EGFR: variants seen among roughly 807,000 people sequenced by gnomAD.
EGFR encodes avian erythroblastic leukemia viral (v-erb-b) oncogene homolog.
A neutral mutation model predicts 143.0 loss-of-function variants in EGFR; 58 were observed. That is an observed-to-expected ratio of 0.41 (90% confidence interval 0.33 to 0.50). The LOEUF (loss-of-function observed/expected upper bound fraction) is 0.50. Among genes scored for constraint, EGFR ranks in the 20% least tolerant of loss-of-function variants. EGFR has a pLI of 0.39. For synonymous variants in EGFR, 613 were observed against 594.4 expected, an observed-to-expected ratio of 1.03 and a Z score of -0.45; for missense variants, 1,307 against 1,579.0, an observed-to-expected ratio of 0.83 and a Z score of 2.92.
At position 55,173,086 on chromosome 7, in the gene EGFR, C is replaced by T. The variant is rs1786429872; in HGVS notation, c.2023C>T (p.Arg675Trp). 5 of 1,612,648 alleles carry T rather than the reference C, an allele frequency of 3.1e-6. No homozygotes were observed. Among genetic ancestry groups the T allele is most frequent in the Middle Eastern group, 1.6e-4 (1 of 6,080 alleles). Residue 675 changes from arginine to tryptophan, a missense_variant, in exon 17 of 28, where the codon CGG becomes TGG. This residue lies in a region of EGFR where 348 missense variants were observed against 451.5 expected (regional missense o/e 0.77). Transcript: ENST00000275493. ...GLFMRRRHIV[R>W]KRTLRRLLQE... ...CTTCATGCGAAGGCGCCACATCGTT[C>T]GGAAGCGCACGCTGCGGAGGCTGCT... is the stretch of plus-strand genomic sequence containing the variant.
intron 4 of EGFR, 119 bp downstream of exon 4, chr7:55,146,859 G>A: frequency 7.1e-7 from 1 of 1,405,442 alleles, no homozygotes; most frequent in Non-Finnish European, 9.8e-7. Flanking sequence ...ACAAAAAGTA[G>A]TAAGCAAAAT....
intron 10 of EGFR, 42 bp from the exon 11 acceptor site, chr7:55,157,621 T>C: frequency 6.4e-7 from 1 of 1,554,700 alleles, no homozygotes; most frequent in Non-Finnish European, 8.9e-7. Context: ...AAAAAGAAAC[T>C]CCTACGTGGT....
At chr7:55,197,572 T>A (rs1472002579) in intron 22 of EGFR, among the ~76,000 whole-genome samples, 1 of 152,234 alleles carries the variant, frequency 6.6e-6, no homozygotes, top group Non-Finnish European at 1.5e-5. Flanking sequence ...AGAGAGGGAA[T>A]CCTTGTCTTG....
intron 13 of EGFR, 125 bp downstream of exon 13, chr7:55,161,756 G>C (rs1562772359): frequency 6.6e-7 from 1 of 1,526,646 alleles, no homozygotes; most frequent in African/African-American, 1.4e-5. Flanking sequence ...GGCTTTTGGA[G>C]GTTTTGGGTT....
In EGFR at chr7:55,176,769, T is replaced by C. The variant is rs554729213; in HGVS notation, c.2283+1949T>C. Among the ~76,000 whole-genome samples, 18 of 148,770 alleles carry C rather than the reference T, an allele frequency of 1.2e-4. No homozygotes were observed. In the East Asian group the frequency reaches 2.7e-3, roughly 23 times the overall value. ...ATACCTATATATATCTGAATATAGATATCTATATATACTCTGTATATAGTT... is the reference window on the plus strand; with the variant it reads ...ATACCTATATATATCTGAATATAGACATCTATATATACTCTGTATATAGTT... On this transcript the variant is annotated intron_variant, in intron 19 of 27. Coordinates refer to ENST00000275493, the MANE Select transcript of EGFR (RefSeq NM_005228.5).
chr7:55,180,092 GC>G (rs908715465), intron 19 of EGFR: 2 of 152,514 alleles, frequency 1.3e-5, no homozygotes, highest in African/African-American at 4.8e-5. Context: ...ACCTGCCCGG[GC>G]ACCCTGGAGC....
intron 1 of EGFR, among the ~76,000 whole-genome samples, chr7:55,082,170 A>G (rs1391485650): frequency 1.3e-5 from 2 of 152,194 alleles, no homozygotes; most frequent in African/African-American, 4.8e-5. Context: ...AAGTTATTTG[A>G]TCTTACCAAG....
chr7:55,020,641 T>C (rs1348030441), intron 1 of EGFR, among the ~76,000 whole-genome samples: 1 of 150,828 alleles, frequency 6.6e-6, no homozygotes, highest in African/African-American at 2.4e-5. Context: ...AGACAGAACA[T>C]GAGCGAGTCT....
intron 1 of EGFR, among the ~76,000 whole-genome samples, chr7:55,048,180 T>C (rs1788289608): frequency 6.6e-6 from 1 of 152,134 alleles, no homozygotes; most frequent in African/African-American, 2.4e-5. Context: ...CCCCCTCGGT[T>C]TGTTTTCAGT....
intron 17 of EGFR, 130 bp from the exon 18 acceptor site, chr7:55,173,791 C>T (rs2128953259): frequency 7.0e-7 from 1 of 1,423,868 alleles, no homozygotes; most frequent in Non-Finnish European, 9.9e-7. Flanking sequence ...AATGAGCTGG[C>T]AAGTGCCGTG....
rs1786513334 is a variant in EGFR, at chr7:55,174,715, G to C, written c.2185-7G>C. 1 of 1,611,442 alleles carries C rather than the reference G, an allele frequency of 6.2e-7. No individual in the cohort carries two copies. Among genetic ancestry groups the C allele is most frequent in the Non-Finnish European group, 8.5e-7 (1 of 1,177,672 alleles). On this transcript the variant is annotated splice_polypyrimidine_tract_variant and splice_region_variant and intron_variant, in intron 18 of 27. Transcript: ENST00000275493. ...CAGTTAACGTCTTCCTTCTCTCTCTGTCATAGGGACTCTGGATCCCAGAAG... is the reference window on the plus strand; with the variant it reads ...CAGTTAACGTCTTCCTTCTCTCTCTCTCATAGGGACTCTGGATCCCAGAAG...
chr7:55,034,763 A>G (rs373905673), intron 1 of EGFR, among the ~76,000 whole-genome samples: 1 of 152,260 alleles, frequency 6.6e-6, no homozygotes, highest in East Asian at 1.9e-4. Flanking sequence ...AGCAGCATAT[A>G]AAAGTTATTT....
chr7:55,194,862 C>A (rs1447870968), intron 22 of EGFR, among the ~76,000 whole-genome samples: 1 of 152,236 alleles, frequency 6.6e-6, no homozygotes, highest in East Asian at 1.9e-4. Context: ...CTGGAACTAC[C>A]AGACCATGAG....
At chr7:55,111,754 G>T (rs1211975743) in intron 1 of EGFR, among the ~76,000 whole-genome samples, 1 of 152,160 alleles carries the variant, frequency 6.6e-6, no homozygotes, top group African/African-American at 2.4e-5. Flanking sequence ...GTCCTTCTAT[G>T]TCAGCAGCCC....
intron 1 of EGFR, among the ~76,000 whole-genome samples, chr7:55,073,271 C>T (rs1004059108): frequency 1.3e-5 from 2 of 152,200 alleles, no homozygotes; most frequent in African/African-American, 4.8e-5. Flanking sequence ...TTACCAGCCA[C>T]GCTGCCTTGC....
At chr7:55,030,281 C>CA (rs1787176362) in intron 1 of EGFR, among the ~76,000 whole-genome samples, 1 of 152,182 alleles carries the variant, frequency 6.6e-6, no homozygotes, top group Non-Finnish European at 1.5e-5. Flanking sequence ...AAGTATTCCT[C>CA]AAAATTTGTT....
rs1364225726 is a variant in EGFR at position 55,201,753 on chromosome 7, T to C, written c.3133T>C (p.Ser1045Pro). The C allele has an allele frequency of 6.2e-7, 1 of 1,614,024 alleles. No individual in the cohort carries two copies. The highest frequency in any genetic ancestry group is 2.2e-5 in the East Asian group (1 of 44,892). ...LSSLSATSNNSTVACIDRNGL... is the reference protein window; with the variant it reads ...LSSLSATSNNPTVACIDRNGL... ...TTTTCAGAGTGCAACCAGCAACAAT[T>C]CCACCGTGGCTTGCATTGATAGAAA... Residue 1045 changes from serine to proline, a missense_variant, in exon 26 of 28, where the codon TCC becomes CCC. Around this residue, in one of 7 missense-constraint regions of EGFR, gnomAD observed 313 missense variants for 312.3 expected, o/e 1.00. Coordinates refer to ENST00000275493, the MANE Select transcript of EGFR (RefSeq NM_005228.5).
chr7:55,142,428 C>T lies in EGFR; in HGVS notation c.231C>T (p.Ser77=), dbSNP rs61731794. 6 of 1,614,034 alleles carry T rather than the reference C, an allele frequency of 3.7e-6. No homozygotes were observed. The South Asian group carries it at 6.6e-5, about 18-fold the overall frequency. Residue 77 remains serine, a synonymous_variant, in exon 2 of 28, where the codon TCC becomes TCT. Coordinates refer to ENST00000275493, the MANE Select transcript of EGFR (RefSeq NM_005228.5). ...ATGTGCAGAGGAATTATGATCTTTC[C>T]TTCTTAAAGGTTGGTGACTTTGATT... ...ITYVQRNYDL[S]FLKTIQEVAG...
chr7:55,032,397 A>G (rs1338090977), intron 1 of EGFR, among the ~76,000 whole-genome samples: 2 of 152,324 alleles, frequency 1.3e-5, no homozygotes, highest in Middle Eastern at 3.4e-3. Context: ...ATATCTGAAG[A>G]TGCAATTTAT....
Sources: gnomAD v4.1 joint callset for allele counts (sites outside exome capture counted in the v4.1 genomes callset) on GRCh38, gnomAD v4.1.1 for gene constraint, gnomAD v4.1.1 regional missense constraint, MANE v1.5 for transcripts, NCBI Gene and HGNC (gene_info 2026-07-23, HGNC 2026-07-21) for gene names.